CNTNAP3: variants seen among roughly 807,000 people sequenced by gnomAD.
The protein encoded by CNTNAP3 is contactin associated protein family member 3.
Under a neutral mutation model 92.1 loss-of-function variants are expected in CNTNAP3, and 36 were observed. The ratio of observed to expected loss-of-function variants is 0.39; its 90% CI spans 0.30 to 0.52. CNTNAP3 has a LOEUF of 0.52. Ranked by LOEUF, CNTNAP3 falls within the 20% of genes least tolerant of loss-of-function variation. CNTNAP3 has a pLI of 0.76. For synonymous variants in CNTNAP3, 232 were observed against 422.3 expected, an observed-to-expected ratio of 0.55 and a Z score of 5.53; for missense variants, 534 against 1,069.6, an observed-to-expected ratio of 0.50 and a Z score of 6.98.
chr9:39,110,389 T>C (rs1758543), intron 14 of CNTNAP3, among the ~76,000 whole-genome samples: 2 of 152,048 alleles, frequency 1.3e-5, no homozygotes, highest in African/African-American at 2.4e-5. Flanking sequence ...AAGTGAGACC[T>C]TGTCTCAAAA....
In CNTNAP3 at chr9:39,287,994, C is replaced by T; in HGVS notation, c.71G>A (p.Gly24Glu). The change falls in exon 1 of 24, where the codon GGA becomes GAA. Residue 24 changes from glycine (G) to glutamate (E), a missense_variant. Physicochemically the swap from Gly to Glu is moderately conservative, Grantham distance 98 (BLOSUM62 -2). Transcript: ENST00000297668. ...LLPTQTWSPV[G>E]AGNPPDCDAP... ...GCTGTACTTACGTGGATTTCCTGCT[C>T]CCACGGGGCTCCAAGTCTGAGTGGG... The T allele has an allele frequency of 3.0e-6, 1 of 338,186 alleles. No individual in the cohort carries two copies. The highest frequency in any genetic ancestry group is 5.0e-6 in the Non-Finnish European group (1 of 201,774). 20.9% of individuals were successfully genotyped at this position (338,186 alleles called of 1,614,324 possible).
At chr9:39,083,827 C>T (rs1449358249) in intron 21 of CNTNAP3, among the ~76,000 whole-genome samples, 1 of 151,614 alleles carries the variant, frequency 6.6e-6, no homozygotes, top group African/African-American at 2.4e-5. Context: ...GGATAAAATT[C>T]AAAGCTATAT....
At chr9:39,146,660 G>A (rs1390817970) in intron 10 of CNTNAP3, among the ~76,000 whole-genome samples, 4 of 152,196 alleles carry the variant, frequency 2.6e-5, no homozygotes, top group African/African-American at 9.6e-5. Flanking sequence ...CTGCACTCCA[G>A]CCTGGGCGAC....
chr9:39,152,753 T>G (rs1210302455), intron 9 of CNTNAP3, among the ~76,000 whole-genome samples: 5 of 140,506 alleles, frequency 3.6e-5, no homozygotes, highest in East Asian at 2.1e-4. Context: ...CCACCCAGGT[T>G]CACAGCATTC....
chr9:39,141,459 G>T (rs1162116500), intron 11 of CNTNAP3, among the ~76,000 whole-genome samples: 2 of 152,100 alleles, frequency 1.3e-5, no homozygotes, highest in Non-Finnish European at 2.9e-5. Flanking sequence ...ACTTCCCTAA[G>T]TATTTTGCAA....
intron 14 of CNTNAP3, among the ~76,000 whole-genome samples, chr9:39,110,847 C>T (rs2778196): frequency 6.6e-6 from 1 of 152,026 alleles, no homozygotes; most frequent in South Asian, 2.1e-4. Context: ...ACTGCATGTA[C>T]ATTCTGATTT....
intron 15 of CNTNAP3, among the ~76,000 whole-genome samples, chr9:39,107,897 CAG>C (rs1264226557): frequency 5.3e-5 from 8 of 152,080 alleles, no homozygotes; most frequent in Non-Finnish European, 7.4e-5. Flanking sequence ...AAAAAATTAA[CAG>C]AATAATTAAT....
intron 13 of CNTNAP3, among the ~76,000 whole-genome samples, chr9:39,127,180 CT>C (rs1821171832): frequency 6.6e-6 from 1 of 151,878 alleles, no homozygotes; most frequent in Non-Finnish European, 1.5e-5. Flanking sequence ...AAAGAATATG[CT>C]TCAAAGAAAT....
intron 15 of CNTNAP3, among the ~76,000 whole-genome samples, chr9:39,105,925 A>T (rs898715842): frequency 1.7e-4 from 25 of 150,774 alleles, no homozygotes; most frequent in Non-Finnish European, 3.3e-4. Context: ...TATGTATATT[A>T]AAATCCATGA....
intron 17 of CNTNAP3, among the ~76,000 whole-genome samples, chr9:39,102,149 C>G (rs1190934616): frequency 6.6e-6 from 1 of 152,176 alleles, no homozygotes; most frequent in Non-Finnish European, 1.5e-5. Flanking sequence ...GTGGTGGCAC[C>G]TGCGCCTGTA....
chr9:39,152,494 G>A (rs1452268224), intron 9 of CNTNAP3, among the ~76,000 whole-genome samples: 1 of 147,078 alleles, frequency 6.8e-6, no homozygotes, highest in Admixed American at 6.7e-5. Context: ...AGTGAACTTT[G>A]TATAATTCTG....
intron 13 of CNTNAP3, among the ~76,000 whole-genome samples, chr9:39,122,181 C>T (rs780738103): frequency 5.9e-5 from 9 of 152,064 alleles, no homozygotes; most frequent in African/African-American, 1.9e-4. Flanking sequence ...GGTGAAACCC[C>T]GTATCTACTA....
At position 39,073,098 on chromosome 9, in the gene CNTNAP3, A is replaced by T. The variant is rs1825664287; in HGVS notation, c.*792T>A. ...CAATCTTGTATTGACATCCTCTTGCATCTTGTTACCTACCAATGTTCTGTT... is the reference window on the plus strand; with the variant it reads ...CAATCTTGTATTGACATCCTCTTGCTTCTTGTTACCTACCAATGTTCTGTT... On this transcript the variant is annotated 3_prime_UTR_variant, in exon 24 of 24. Coordinates refer to ENST00000297668, the MANE Select transcript of CNTNAP3 (RefSeq NM_033655.5). The T allele has an allele frequency of 6.5e-6, 1 of 153,088 alleles. No homozygotes were observed. The highest frequency in any genetic ancestry group is 1.5e-5 in the Non-Finnish European group (1 of 68,336). The allele number at this position is 153,088 out of a possible 1,614,324, so 9.5% of individuals were successfully genotyped here.
intron 14 of CNTNAP3, among the ~76,000 whole-genome samples, chr9:39,112,642 G>A (rs948045332): frequency 6.6e-6 from 1 of 152,168 alleles, no homozygotes; most frequent in African/African-American, 2.4e-5. Context: ...GGGATAACAG[G>A]TGTGAGCCAC....
At position 39,127,770 on chromosome 9, in the gene CNTNAP3, T is replaced by C. The variant is rs1379183292; in HGVS notation, c.2080+5162A>G. ...TATTAAGAAAATTGAATTCATAATT[T>C]AAAATTACTGAAAAAAAAATCTCTT... On this transcript the variant is annotated intron_variant, in intron 13 of 23. Coordinates refer to ENST00000297668, the MANE Select transcript of CNTNAP3 (RefSeq NM_033655.5). 2.0e-5 allele frequency among the ~76,000 whole-genome samples: 3 copies of C among 152,194 alleles called. 1 individual carries two copies. Among genetic ancestry groups the C allele is most frequent in the Non-Finnish European group, 4.4e-5 (3 of 68,028 alleles).
At chr9:39,084,769 T>C (rs1048116533) in intron 21 of CNTNAP3, among the ~76,000 whole-genome samples, 25 of 152,030 alleles carry the variant, frequency 1.6e-4, no homozygotes, top group Non-Finnish European at 2.1e-4. Context: ...TAAAATACAG[T>C]TGTTCAAAGT....
Position 39,132,998 on chromosome 9 carries a change from G to T in CNTNAP3, c.2014C>A (p.Leu672Met). ...AGCCGCTGCTCGCAGCGCTCCGCCA[G>T]GTTCACCGCGGACCGCAGCTGCCCC... ...GAGQLRSAVN[L>M]AERCEQRLAL... The change falls in exon 13 of 24, where the codon CTG (leucine) becomes ATG (methionine). Residue 672 changes from leucine (L) to methionine (M), a missense_variant. Physicochemically the swap from Leu to Met is conservative, Grantham distance 15 (BLOSUM62 2). Transcript: ENST00000297668. 1 of 1,539,532 alleles carries T rather than the reference G, an allele frequency of 6.5e-7. No homozygotes were observed. Among genetic ancestry groups the T allele is most frequent in the Non-Finnish European group, 8.7e-7 (1 of 1,150,802 alleles).
At chr9:39,121,701 TCAACA>T (rs1298341170) in intron 13 of CNTNAP3, among the ~76,000 whole-genome samples, 1 of 151,604 alleles carries the variant, frequency 6.6e-6, no homozygotes, top group Non-Finnish European at 1.5e-5. Flanking sequence ...CCTTAGAGGG[TCAACA>T]CACCTTCAAG....
At chr9:39,132,881 G>T in intron 13 of CNTNAP3, 51 bp downstream of exon 13, 1 of 1,500,352 alleles carries the variant, frequency 6.7e-7, no homozygotes, top group Non-Finnish European at 8.8e-7. Context: ...GCAGCCCGAG[G>T]GCCGCGCCCC....
Sources: allele counts gnomAD v4.1 joint callset (sites outside exome capture counted in the v4.1 genomes callset), GRCh38; gene constraint gnomAD v4.1.1; transcripts MANE v1.5; gene names NCBI Gene and HGNC (gene_info 2026-07-23, HGNC 2026-07-21).